RIMBP2: variants seen among roughly 807,000 people sequenced by gnomAD.
RIMBP2 encodes RIMS binding protein 2.
A neutral mutation model predicts 118.6 loss-of-function variants in RIMBP2; 48 were observed. The ratio of observed to expected loss-of-function variants is 0.40; its 90% CI spans 0.32 to 0.51. RIMBP2 has a LOEUF of 0.51. RIMBP2 is among the 20% of genes least tolerant of loss of function. RIMBP2 has a pLI of 0.41. For synonymous variants in RIMBP2, 762 were observed against 742.9 expected (o/e 1.03, Z -0.42); for missense variants, 1,551 against 1,768.3 (o/e 0.88, Z 2.20).
At position 130,703,747 on chromosome 12, in the gene RIMBP2, C is replaced by T. The variant is rs1415427009; in HGVS notation, c.-352+12475G>A. Reference sequence around the variant, plus strand: ...TGTCATGTGTAGTATATTGGGAGTGCGTTTGAAACGGTGTTTCCTAGGGGA... The same window carrying T: ...TGTCATGTGTAGTATATTGGGAGTGTGTTTGAAACGGTGTTTCCTAGGGGA... On this transcript the variant is annotated intron_variant, in intron 1 of 22. Coordinates refer to ENST00000690449, the MANE Select transcript of RIMBP2 (RefSeq NM_001393629.1). The surrounding 1 kb of genome is among the most constrained non-coding windows in gnomAD (Gnocchi z 5.7). Among the ~76,000 whole-genome samples, 3 of 152,172 alleles carry T rather than the reference C, an allele frequency of 2.0e-5. No individual in the cohort carries two copies. The highest frequency in any genetic ancestry group is 6.5e-5 in the Admixed American group (1 of 15,284).
Position 130,683,315 on chromosome 12 carries a change from C to T in RIMBP2, c.-352+32907G>A, listed in dbSNP as rs2064887702. On this transcript the variant is annotated intron_variant, in intron 1 of 22. Transcript: ENST00000690449. The surrounding 1 kb of genome is among the most constrained non-coding windows in gnomAD (Gnocchi z 4.4). ...CCGGGGAACGCAGGGAGCCAGGCTC[C>T]CCACAGAGCCTCCAGGGGGAAGGCA... is the stretch of plus-strand genomic sequence containing the variant. Among the ~76,000 whole-genome samples the T allele has an allele frequency of 2.0e-5, 3 of 152,330 alleles. No individual in the cohort carries two copies. The South Asian group carries it at 6.2e-4, about 32-fold the overall frequency.
At chr12:130,509,966 T>C (rs1299832901) in intron 3 of RIMBP2, among the ~76,000 whole-genome samples, 2 of 152,212 alleles carry the variant, frequency 1.3e-5, no homozygotes, top group Non-Finnish European at 2.9e-5. Context: ...GAAGCCAACT[T>C]GGGTTTCAGG....
Position 130,620,264 on chromosome 12 carries a change from C to CA in RIMBP2, c.-217+8057dup, listed in dbSNP as rs1203252149. 2.6e-5 allele frequency among the ~76,000 whole-genome samples: 4 copies of CA among 151,776 alleles called. No homozygotes were observed. Among genetic ancestry groups the CA allele is most frequent in the South Asian group, 2.1e-4 (1 of 4,804 alleles). On this transcript the variant is annotated intron_variant, in intron 2 of 22. Transcript: ENST00000690449. This position sits in a 1 kb window ranked among gnomAD's most constrained non-coding sequence, Gnocchi z 5.3. ...AATCTTGAGCAGAGGGACCCAAGGA[C>CA]AAAAAAAAGAACCAGCAGCCAGAGC...
At chr12:130,646,099 C>A (rs910830964) in intron 1 of RIMBP2, among the ~76,000 whole-genome samples, 1 of 112,610 alleles carries the variant, frequency 8.9e-6, no homozygotes, top group Admixed American at 9.3e-5. Context: ...CCCTCTCCAC[C>A]TCCCTCTCCA....
intron 2 of RIMBP2, among the ~76,000 whole-genome samples, chr12:130,599,953 G>A (rs1036806076): frequency 1.3e-5 from 2 of 151,976 alleles, no homozygotes; most frequent in African/African-American, 2.4e-5. Flanking sequence ...ATGCATATCC[G>A]ATCACCTCCT....
chr12:130,582,579 T>C (rs1375363976), intron 2 of RIMBP2, among the ~76,000 whole-genome samples: 1 of 152,216 alleles, frequency 6.6e-6, no homozygotes, highest in Non-Finnish European at 1.5e-5. Context: ...GAGATGGTTG[T>C]GGGTTTCTTA....
At chr12:130,531,445 G>T (rs1487310232) in intron 2 of RIMBP2, among the ~76,000 whole-genome samples, 2 of 152,168 alleles carry the variant, frequency 1.3e-5, no homozygotes, top group African/African-American at 4.8e-5. Flanking sequence ...GATTTTTAAT[G>T]TCTGGATATT....
At chr12:130,461,758 C>T (rs1185936038) in intron 6 of RIMBP2, among the ~76,000 whole-genome samples, 6 of 152,126 alleles carry the variant, frequency 3.9e-5, no homozygotes, top group Non-Finnish European at 8.8e-5. Context: ...GCACACGACA[C>T]GCCTGATCCC....
chr12:130,619,794 G>A (rs2061186994), intron 2 of RIMBP2, among the ~76,000 whole-genome samples: 1 of 152,176 alleles, frequency 6.6e-6, no homozygotes, highest in African/African-American at 2.4e-5. Flanking sequence ...TGCTGTCTGT[G>A]GATATCTATC....
chr12:130,413,174 A>G (rs1223147419), intron 18 of RIMBP2, among the ~76,000 whole-genome samples: 1 of 152,192 alleles, frequency 6.6e-6, no homozygotes, highest in Non-Finnish European at 1.5e-5. Context: ...ATGGGTTCCT[A>G]CGTAACAAGA....
chr12:130,555,147 C>A (rs7955945), intron 2 of RIMBP2, among the ~76,000 whole-genome samples: 1 of 152,124 alleles, frequency 6.6e-6, no homozygotes, highest in Non-Finnish European at 1.5e-5. Context: ...ACCCTGCGAT[C>A]TGACTCCAGT....
chr12:130,680,964 G>A (rs1291064315), intron 1 of RIMBP2, among the ~76,000 whole-genome samples: 1 of 152,240 alleles, frequency 6.6e-6, no homozygotes, highest in African/African-American at 2.4e-5. Flanking sequence ...CTCAGCTTAT[G>A]CAGAGGAATA....
intron 1 of RIMBP2, among the ~76,000 whole-genome samples, chr12:130,700,697 C>T (rs2632597): frequency 0.01 from 1,574 of 152,314 alleles, 25 homozygotes; most frequent in African/African-American, 0.036. Context: ...CAGACTTTCG[C>T]GTTCAGAACT....
intron 11 of RIMBP2, among the ~76,000 whole-genome samples, chr12:130,439,816 G>A (rs1014338787): frequency 1.3e-5 from 1 of 76,322 alleles, no homozygotes; most frequent in African/African-American, 6.5e-5. Context: ...AGTCTGTGGG[G>A]GTGTCTGTGT....
In RIMBP2 at chr12:130,621,056, G is replaced by A. The variant is rs2061279300; in HGVS notation, c.-217+7266C>T. On this transcript the variant is annotated intron_variant, in intron 2 of 22. Transcript: ENST00000690449. This position sits in a 1 kb window ranked among gnomAD's most constrained non-coding sequence, Gnocchi z 6.6. ...GGCCTGAAAATATGCACACACCTCT[G>A]TAAGGAGATGGAGTCACCCCTTAGT... Among the ~76,000 whole-genome samples, 1 of 152,184 alleles carries A rather than the reference G, an allele frequency of 6.6e-6. No individual in the cohort carries two copies. Among genetic ancestry groups the A allele is most frequent in the African/African-American group, 2.4e-5 (1 of 41,450 alleles).
chr12:130,683,772 T>C lies in RIMBP2; in HGVS notation c.-352+32450A>G, dbSNP rs2064914657. On this transcript the variant is annotated intron_variant, in intron 1 of 22. Transcript: ENST00000690449. The surrounding 1 kb of genome is among the most constrained non-coding windows in gnomAD (Gnocchi z 4.4). Reference sequence around the variant, plus strand: ...CCATGGCAATGTCAGGAAGTTACCCTATATGGTCTAGAAAGGGGAGGTAAG... The same window carrying C: ...CCATGGCAATGTCAGGAAGTTACCCCATATGGTCTAGAAAGGGGAGGTAAG... 6.6e-6 allele frequency among the ~76,000 whole-genome samples: 1 copy of C among 152,194 alleles called. No individual in the cohort carries two copies. Among genetic ancestry groups the C allele is most frequent in the Admixed American group, 6.5e-5 (1 of 15,292 alleles).
chr12:130,713,272 A>AGGACGGAC (rs1555327817), intron 1 of RIMBP2, among the ~76,000 whole-genome samples: 8 of 140,402 alleles, frequency 5.7e-5, no homozygotes, highest in East Asian at 2.2e-4. Context: ...GAAGGAAGGA[A>AGGACGGAC]GGACTGAGGA....
intron 2 of RIMBP2, among the ~76,000 whole-genome samples, chr12:130,585,010 G>A (rs755250042): frequency 5.3e-5 from 8 of 152,008 alleles, no homozygotes; most frequent in Non-Finnish European, 1.0e-4. Context: ...CCTACCTCCT[G>A]CGTAGCTAGA....
At chr12:130,518,345 C>T (rs532230402) in intron 2 of RIMBP2, among the ~76,000 whole-genome samples, 2 of 152,286 alleles carry the variant, frequency 1.3e-5, no homozygotes, top group East Asian at 3.9e-4. Context: ...ATTCTAAGGA[C>T]TAAATGGCTA....
Sources: allele counts gnomAD v4.1 joint callset (sites outside exome capture counted in the v4.1 genomes callset), GRCh38; gene constraint gnomAD v4.1.1; non-coding constraint Gnocchi (gnomAD v3.1); transcripts MANE v1.5; gene names NCBI Gene and HGNC (gene_info 2026-07-23, HGNC 2026-07-21).